The following AHNAK2 variants were observed in gnomAD, a reference collection of about 807,000 sequenced individuals.
AHNAK2 encodes the protein AHNAK nucleoprotein 2.
Under a neutral mutation model 30.7 loss-of-function variants are expected in AHNAK2, and 18 were observed. That is an observed-to-expected ratio of 0.59 (90% confidence interval 0.41 to 0.87). The LOEUF (loss-of-function observed/expected upper bound fraction) is 0.87. AHNAK2 is among the 40% of genes least tolerant of loss of function. AHNAK2 has a pLI of 0.00. For missense variants in AHNAK2, 8,604 were observed against 7,373.0 expected (o/e 1.17, Z -6.11); for synonymous variants, 3,590 against 3,073.8 (o/e 1.17, Z -5.56).
rs1271331257 is a variant in AHNAK2, at chr14:104,969,944, T to C, written c.55+8239A>G. ...TCGGGCACCCCCAGGAGAGTAAACC[T>C]GGCCTTTGGAAGCAACCACCCTCCA... On this transcript the variant is annotated intron_variant, in intron 1 of 6. Coordinates refer to ENST00000333244, the MANE Select transcript of AHNAK2 (RefSeq NM_138420.4). Among the ~76,000 whole-genome samples, 5 of 151,930 alleles carry C rather than the reference T, an allele frequency of 3.3e-5. No homozygotes were observed. In the East Asian group the frequency reaches 9.7e-4, roughly 30 times the overall value.
At chr14:104,971,591 T>G (rs1021061337) in intron 1 of AHNAK2, among the ~76,000 whole-genome samples, 3 of 152,078 alleles carry the variant, frequency 2.0e-5, no homozygotes, top group Admixed American at 2.0e-4. Flanking sequence ...CCCCGTCATT[T>G]CAATACAAGT....
In AHNAK2 at chr14:104,945,173, T is replaced by G. The variant is rs746917275; in HGVS notation, c.10278A>C (p.Glu3426Asp). 5.6e-6 allele frequency: 9 copies of G among 1,612,750 alleles called. No homozygotes were observed. In the African/African-American group the frequency reaches 1.2e-4, roughly 22 times the overall value. Residue 3426 changes from glutamate (E) to aspartate (D), a missense_variant, in exon 7 of 7, where the codon GAA (glutamate) becomes GAC (aspartate). By Grantham distance (45) the Glu-to-Asp change is conservative (BLOSUM62 2). Coordinates refer to ENST00000333244, the MANE Select transcript of AHNAK2 (RefSeq NM_138420.4). ...ACACCTCCACATCAGGGACTGTCAC[T>G]TCCGCCTTGGGGACTTTTAGGTCCA... ...PKLDLKVPKAEVTVPDVEVSL... is the reference protein window; with the variant it reads ...PKLDLKVPKADVTVPDVEVSL...
chr14:104,941,700 G>T lies in AHNAK2; in HGVS notation c.13751C>A (p.Ala4584Asp). 1 of 1,613,686 alleles carries T rather than the reference G, an allele frequency of 6.2e-7. No homozygotes were observed. ...GGGCAGAGACACCTCCACATCGGGG[G>T]CCATCACCTCTGCCTTTGGGCCTTT... ...DLKGPKAEVM[A>D]PDVEVSLPSV... The change falls in exon 7 of 7, where the codon GCC (alanine) becomes GAC (aspartate). Residue 4584 changes from alanine to aspartate, a missense_variant. Coordinates refer to ENST00000333244, the MANE Select transcript of AHNAK2 (RefSeq NM_138420.4).
chr14:104,973,242 C>T (rs903141125), intron 1 of AHNAK2, among the ~76,000 whole-genome samples: 6 of 152,226 alleles, frequency 3.9e-5, no homozygotes, highest in Non-Finnish European at 5.9e-5. Flanking sequence ...CTAGTCCTGG[C>T]TCAGAGCTGC....
chr14:104,970,622 C>G, intron 1 of AHNAK2: 1 of 689,748 alleles, frequency 1.4e-6, no homozygotes, highest in African/African-American at 2.0e-5. Flanking sequence ...CCACATCCCA[C>G]CAGAGGGAGT....
Position 104,948,612 on chromosome 14 carries a change from G to C in AHNAK2, c.6839C>G (p.Ser2280Cys). The C allele has an allele frequency of 6.2e-7, 1 of 1,612,624 alleles. No homozygotes were observed. Among genetic ancestry groups the C allele is most frequent in the Non-Finnish European group, 8.5e-7 (1 of 1,179,794 alleles). ...VEVTAPDVEVSLPSVEVDVKA... is the reference protein window; with the variant it reads ...VEVTAPDVEVCLPSVEVDVKA... ...GACGTCCACCTCCACGCTGGGCAGAGACACCTCCACATCAGGGGCTGTCAC... is the reference window on the plus strand; with the variant it reads ...GACGTCCACCTCCACGCTGGGCAGACACACCTCCACATCAGGGGCTGTCAC... The change falls in exon 7 of 7, where the codon TCT (serine) becomes TGT (cysteine). Residue 2280 changes from serine to cysteine, a missense_variant. Physicochemically the swap from Ser to Cys is moderately radical, Grantham distance 112. Coordinates refer to ENST00000333244, the MANE Select transcript of AHNAK2 (RefSeq NM_138420.4).
chr14:104,954,575 G>A lies in AHNAK2; in HGVS notation c.876C>T (p.Asp292=), dbSNP rs775145238. 5.8e-5 allele frequency: 93 copies of A among 1,608,752 alleles called. No individual in the cohort carries two copies. Among genetic ancestry groups the A allele is most frequent in the Admixed American group, 1.8e-4 (11 of 59,724 alleles). Residue 292 remains aspartate (D), a synonymous_variant, in exon 7 of 7, where the codon GAC becomes GAT. Transcript: ENST00000333244. This position sits in a 1 kb window ranked among gnomAD's most constrained non-coding sequence, Gnocchi z 4.3. The stretch of plus-strand genomic sequence containing the variant: ...CTGTGTCTGTGCTTGTAGGGGACAC[G>A]TCATGTGCGTCCCTAGGTTCGTAGG... ...SEAYEPRDAH[D]VSPTSTDTEA... is the part of the protein sequence containing the mutation.
intron 1 of AHNAK2, 24 bp from the exon 2 acceptor site, chr14:104,957,696 G>T: frequency 6.2e-7 from 1 of 1,603,442 alleles, no homozygotes; most frequent in Non-Finnish European, 8.5e-7. Context: ...GGCTGTCAGT[G>T]GAGACAAGCA....
chr14:104,947,500 G>A lies in AHNAK2; in HGVS notation c.7951C>T (p.Pro2651Ser). Residue 2651 changes from proline (P) to serine (S), a missense_variant, in exon 7 of 7, where the codon CCC becomes TCC. Physicochemically the swap from Pro to Ser is moderately conservative, Grantham distance 74 (BLOSUM62 -1). Transcript: ENST00000333244. ...VTAKDSKFKM[P>S]KFKMPSFRVS... ...CTGAATGATGGCATCTTGAACTTGG[G>A]CATTTTGAACTTGCTATCTTTGGCT... is the stretch of plus-strand genomic sequence containing the variant. 1 of 1,612,802 alleles carries A rather than the reference G, an allele frequency of 6.2e-7. No individual in the cohort carries two copies.
rs543831294 is a variant in AHNAK2, at chr14:104,947,094, G to C, written c.8357C>G (p.Pro2786Arg). 2 of 1,612,564 alleles carry C rather than the reference G, an allele frequency of 1.2e-6. No homozygotes were observed. The highest frequency in any genetic ancestry group is 1.7e-6 in the Non-Finnish European group (2 of 1,179,590). ...LSSMEVDVQA[P>R]RAKLDGARLE... ...CCGCGCACCATCCAGCTTTGCTCTC[G>C]GGGCCTGGACGTCCACCTCCATGCT... Residue 2786 changes from proline (P) to arginine (R), a missense_variant, in exon 7 of 7, where the codon CCG becomes CGG. By Grantham distance (103) the Pro-to-Arg change is moderately radical. Transcript: ENST00000333244.
rs772149510 is a variant in AHNAK2 at position 104,942,756 on chromosome 14, T to A, written c.12695A>T (p.Lys4232Met). The stretch of plus-strand genomic sequence containing the variant: ...GCCCTTGACATCCACCTGGGGGCCC[T>A]TGAGGGCCACTTTGGGCATCTTCAA... ...PCLKMPKVAL[K>M]GPQVDVKGPK... The change falls in exon 7 of 7, where the codon AAG (lysine) becomes ATG (methionine). Residue 4232 changes from lysine to methionine, a missense_variant. Transcript: ENST00000333244. The A allele has an allele frequency of 5.0e-6, 8 of 1,612,998 alleles. No homozygotes were observed. In the Admixed American group the frequency reaches 1.3e-4, roughly 27 times the overall value.
chr14:104,953,346 G>A lies in AHNAK2; in HGVS notation c.2105C>T (p.Ala702Val), dbSNP rs2819444. Residue 702 changes from alanine to valine, a missense_variant, in exon 7 of 7, where the codon GCG becomes GTG. Physicochemically the swap from Ala to Val is moderately conservative, Grantham distance 64. Coordinates refer to ENST00000333244, the MANE Select transcript of AHNAK2 (RefSeq NM_138420.4). The part of the protein sequence containing the change: ...KSMEASVDVS[A>V]PKVEADVSLL... ...GCTCACGTCGGCCTCCACCTTCGGC[G>A]CAGACACATCCACCGAGGCCTCCAT... The A allele has an allele frequency of 5.2e-4, 831 of 1,613,446 alleles. 3 individuals carry two copies. In the African/African-American group the frequency reaches 9.5e-3, roughly 18 times the overall value.
intron 1 of AHNAK2, among the ~76,000 whole-genome samples, chr14:104,977,510 C>T (rs944374118): frequency 7.2e-5 from 11 of 152,196 alleles, no homozygotes; most frequent in Non-Finnish European, 1.3e-4. Flanking sequence ...GACCCTGTGG[C>T]CTGACTTTGA....
intron 1 of AHNAK2, chr14:104,970,312 T>C (rs1313436360): frequency 1.6e-5 from 10 of 618,218 alleles, no homozygotes; most frequent in Non-Finnish European, 2.0e-5. Flanking sequence ...CTAACACCCC[T>C]GCCCGTCTGT....
Position 104,939,143 on chromosome 14 carries a change from GA to G in AHNAK2, c.16307del (p.Ile5436ThrfsTer2). 1 of 1,611,290 alleles carries G rather than the reference GA, an allele frequency of 6.2e-7. No individual in the cohort carries two copies. Among genetic ancestry groups the G allele is most frequent in the Non-Finnish European group, 8.5e-7 (1 of 1,178,926 alleles). ...KESPGLWGAS[I>X]LKAGAGVPGE... ...CAGGGACCCCAGCACCTGCCTTCAG[GA>G]TGCTGGCTCCCCAGAGCCCCGGACT... On this transcript the variant is annotated frameshift_variant, in exon 7 of 7. Coordinates refer to ENST00000333244, the MANE Select transcript of AHNAK2 (RefSeq NM_138420.4). LOFTEE classifies it low-confidence loss of function (END_TRUNC).
rs770189181 is a variant in AHNAK2, at chr14:104,940,980, T to C, written c.14471A>G (p.Lys4824Arg). 7 of 1,613,230 alleles carry C rather than the reference T, an allele frequency of 4.3e-6. 1 individual carries two copies. The East Asian group carries it at 1.6e-4, about 36-fold the overall frequency. The change falls in exon 7 of 7, where the codon AAG becomes AGG. Residue 4824 changes from lysine to arginine, a missense_variant. Physicochemically the swap from Lys to Arg is conservative, Grantham distance 26 (BLOSUM62 2). Coordinates refer to ENST00000333244, the MANE Select transcript of AHNAK2 (RefSeq NM_138420.4). This position sits in a 1 kb window ranked among gnomAD's most constrained non-coding sequence, Gnocchi z 4.4. ...CTGCAGGTCAGTGGAGCACTCTGTC[T>C]TGGGAAGAGGAATATCAGCCTGAGA... Reference protein sequence around the residue: ...SGSQADIPLPKTECSTDLQPP... With the variant: ...SGSQADIPLPRTECSTDLQPP...
Position 104,943,590 on chromosome 14 carries a change from AG to A in AHNAK2, c.11860del (p.Leu3954CysfsTer8), listed in dbSNP as rs1434395074. ...KLDGARLEGD[L>X]SLADKDMTAK... ...CGTCATGTCCTTGTCGGCCAGGGACAGGTCCCCCTCCAGCCGCGCACCATCC... is the reference window on the plus strand; with the variant it reads ...CGTCATGTCCTTGTCGGCCAGGGACAGTCCCCCTCCAGCCGCGCACCATCC... On this transcript the variant is annotated frameshift_variant, in exon 7 of 7. Transcript: ENST00000333244. LOFTEE classifies it low-confidence loss of function (END_TRUNC). 2 of 1,613,096 alleles carry A rather than the reference AG, an allele frequency of 1.2e-6. No homozygotes were observed. Among genetic ancestry groups the A allele is most frequent in the African/African-American group, 2.7e-5 (2 of 74,668 alleles).
chr14:104,977,653 T>C (rs1244342216), intron 1 of AHNAK2, among the ~76,000 whole-genome samples: 1 of 151,270 alleles, frequency 6.6e-6, no homozygotes, highest in East Asian at 2.0e-4. Flanking sequence ...CGGACCAAAG[T>C]GGAGAGCCCA....
intron 1 of AHNAK2, among the ~76,000 whole-genome samples, chr14:104,973,220 C>T (rs1403880982): frequency 2.0e-5 from 3 of 152,226 alleles, no homozygotes; most frequent in South Asian, 2.1e-4. Context: ...TCCCGTGATG[C>T]GCACTGAACA....
Sources: allele counts gnomAD v4.1 joint callset (sites outside exome capture counted in the v4.1 genomes callset), GRCh38; gene constraint gnomAD v4.1.1; non-coding constraint Gnocchi (gnomAD v3.1); transcripts MANE v1.5; gene names NCBI Gene and HGNC (gene_info 2026-07-23, HGNC 2026-07-21).